Variants in CAMK1D observed in about 807,000 individuals in gnomAD.
CAMK1D encodes calcium/calmodulin-dependent protein kinase type 1D.
CAMK1D carries 9 observed loss-of-function variants against 47.7 expected under a neutral mutation model. That is an observed-to-expected ratio of 0.19 (90% confidence interval 0.11 to 0.33). The LOEUF (loss-of-function observed/expected upper bound fraction) is 0.33. CAMK1D is among the 10% of genes least tolerant of loss of function. The pLI, the probability that CAMK1D is intolerant of heterozygous loss-of-function variation, is 1.00. For synonymous variants in CAMK1D, 184 were observed against 184.9 expected (o/e 0.99, Z 0.04); for missense variants, 291 against 488.7 (o/e 0.60, Z 3.81).
At chr10:12,788,718 C>A (rs1250965732) in intron 5 of CAMK1D, among the ~76,000 whole-genome samples, 1 of 152,160 alleles carries the variant, frequency 6.6e-6, no homozygotes, top group African/African-American at 2.4e-5. Context: ...TTGTCAGTTC[C>A]CATAAGACAA....
chr10:12,364,237 CTTTTTTT>C (rs35224750), intron 1 of CAMK1D, among the ~76,000 whole-genome samples: 16 of 65,316 alleles, frequency 2.4e-4, no homozygotes, highest in African/African-American at 8.4e-4. Flanking sequence ...TGCGCATTCT[CTTTTTTT>C]TTTTTTTTTT....
intron 1 of CAMK1D, among the ~76,000 whole-genome samples, chr10:12,488,369 C>T (rs1024854384): frequency 3.3e-5 from 5 of 152,132 alleles, no homozygotes; most frequent in Middle Eastern, 3.4e-3. Context: ...GGGGTTGATT[C>T]CATGGATCAA....
chr10:12,410,554 A>G (rs2131941405), intron 1 of CAMK1D, among the ~76,000 whole-genome samples: 1 of 152,356 alleles, frequency 6.6e-6, no homozygotes, highest in South Asian at 2.1e-4. Flanking sequence ...AATGCACAGA[A>G]GAAAGGACTT....
intron 1 of CAMK1D, among the ~76,000 whole-genome samples, chr10:12,387,364 A>AAT (rs1220421311): frequency 2.9e-5 from 2 of 69,652 alleles, no homozygotes; most frequent in East Asian, 3.5e-4. Context: ...TTATATATAT[A>AAT]ATATATATAT....
At chr10:12,609,474 T>C (rs1487207156) in intron 2 of CAMK1D, among the ~76,000 whole-genome samples, 1 of 152,230 alleles carries the variant, frequency 6.6e-6, no homozygotes, top group Non-Finnish European at 1.5e-5. Flanking sequence ...GTGGCAGCCC[T>C]GAGCTTGTTT....
intron 2 of CAMK1D, among the ~76,000 whole-genome samples, chr10:12,577,337 C>G (rs775593683): frequency 6.6e-6 from 1 of 152,212 alleles, no homozygotes; most frequent in African/African-American, 2.4e-5. Flanking sequence ...GGATTAACAC[C>G]TGCCACCTCC....
At chr10:12,668,120 C>T (rs969468902) in intron 3 of CAMK1D, among the ~76,000 whole-genome samples, 4 of 152,060 alleles carry the variant, frequency 2.6e-5, no homozygotes, top group Non-Finnish European at 5.9e-5. Context: ...TACACTTTGC[C>T]GTATTTCTGG....
chr10:12,792,960 GCACACACACA>G (rs57459634), intron 6 of CAMK1D, among the ~76,000 whole-genome samples: 11 of 68,374 alleles, frequency 1.6e-4, no homozygotes, highest in Non-Finnish European at 3.2e-4. Context: ...ATGTGTGCGC[GCACACACACA>G]CACACACACA....
chr10:12,742,964 G>C (rs979822827), intron 3 of CAMK1D, among the ~76,000 whole-genome samples: 1 of 152,194 alleles, frequency 6.6e-6, no homozygotes, highest in East Asian at 1.9e-4. Flanking sequence ...AGGGTGTGTG[G>C]GAAAGGAGGC....
intron 1 of CAMK1D, among the ~76,000 whole-genome samples, chr10:12,384,766 T>G (rs1370574858): frequency 6.6e-6 from 1 of 152,184 alleles, no homozygotes; most frequent in Non-Finnish European, 1.5e-5. Context: ...TTTTTATGCC[T>G]TGAAAGCACA....
chr10:12,666,822 G>C lies in CAMK1D; in HGVS notation c.299+12G>C, dbSNP rs769401804. 6.2e-7 allele frequency: 1 copy of C among 1,606,364 alleles called. No individual in the cohort carries two copies. The highest frequency in any genetic ancestry group is 1.7e-5 in the Admixed American group (1 of 59,868). On this transcript the variant is annotated intron_variant, in intron 3 of 10. Coordinates refer to ENST00000619168, the MANE Select transcript of CAMK1D (RefSeq NM_153498.4). ...TTGGTCATGCAGCTGTAAGTACCTT[G>C]TTTGATTGATGAGTTTTGAACCAAC... is the stretch of plus-strand genomic sequence containing the variant.
chr10:12,410,710 G>A (rs1323817155), intron 1 of CAMK1D, among the ~76,000 whole-genome samples: 1 of 152,074 alleles, frequency 6.6e-6, no homozygotes, highest in African/African-American at 2.4e-5. Context: ...TTTGTTAGCA[G>A]GAATGACACA....
chr10:12,773,573 G>C (rs574283042), intron 5 of CAMK1D, among the ~76,000 whole-genome samples: 2 of 152,234 alleles, frequency 1.3e-5, no homozygotes, highest in East Asian at 3.9e-4. Flanking sequence ...GGATACAAGG[G>C]CCAAGTGTAC....
At chr10:12,414,000 G>A (rs1481857234) in intron 1 of CAMK1D, among the ~76,000 whole-genome samples, 3 of 152,174 alleles carry the variant, frequency 2.0e-5, no homozygotes, top group Non-Finnish European at 4.4e-5. Context: ...TCATGAAATG[G>A]TGGTGACAGT....
chr10:12,407,862 C>CT (rs35451883), intron 1 of CAMK1D, among the ~76,000 whole-genome samples: 75 of 69,710 alleles, frequency 1.1e-3, no homozygotes, highest in African/African-American at 1.4e-3. Flanking sequence ...TTTTTTTTTT[C>CT]TTTTTTTTTT....
intron 2 of CAMK1D, among the ~76,000 whole-genome samples, chr10:12,630,497 C>T (rs1007358320): frequency 6.6e-6 from 1 of 151,956 alleles, no homozygotes; most frequent in Non-Finnish European, 1.5e-5. Context: ...CTGCTTCTGC[C>T]TCCTGAGTAG....
chr10:12,656,518 C>T (rs769756007), intron 2 of CAMK1D, among the ~76,000 whole-genome samples: 3 of 152,020 alleles, frequency 2.0e-5, no homozygotes, highest in African/African-American at 7.2e-5. Context: ...AGAAAAAAAC[C>T]GCCATTTGTG....
chr10:12,675,862 C>G (rs1230693365), intron 3 of CAMK1D, among the ~76,000 whole-genome samples: 1 of 152,210 alleles, frequency 6.6e-6, no homozygotes, highest in Non-Finnish European at 1.5e-5. Flanking sequence ...TGCAATTCCT[C>G]AAACATACCA....
chr10:12,730,886 G>A (rs979703749), intron 3 of CAMK1D, among the ~76,000 whole-genome samples: 1 of 152,158 alleles, frequency 6.6e-6, no homozygotes, highest in Non-Finnish European at 1.5e-5. Context: ...GAAGTGCTAG[G>A]GCCAGAAGCT....
Sources: allele counts gnomAD v4.1 joint callset (sites outside exome capture counted in the v4.1 genomes callset), GRCh38; gene constraint gnomAD v4.1.1; transcripts MANE v1.5; gene names NCBI Gene and HGNC (gene_info 2026-07-23, HGNC 2026-07-21).